The following RELN variants were observed in gnomAD, a reference collection of about 807,000 sequenced individuals.
RELN encodes the protein reelin.
RELN carries 108 observed loss-of-function variants against 427.6 expected under a neutral mutation model. The ratio of observed to expected loss-of-function variants is 0.25; its 90% CI spans 0.22 to 0.30. The LOEUF (loss-of-function observed/expected upper bound fraction) is 0.30. RELN is among the 10% of genes least tolerant of loss of function. The pLI is 1.00. For missense variants in RELN, 3,715 were observed against 4,302.8 expected (o/e 0.86, Z 3.82); for synonymous variants, 1,524 against 1,513.4 (o/e 1.01, Z -0.16).
chr7:103,660,683 T>C (rs975305111), intron 12 of RELN, among the ~76,000 whole-genome samples: 1 of 152,148 alleles, frequency 6.6e-6, no homozygotes, highest in African/African-American at 2.4e-5. Context: ...TGCCTGTGCT[T>C]TTCCAGTCAC....
intron 7 of RELN, among the ~76,000 whole-genome samples, chr7:103,726,065 A>C (rs1320513060): frequency 6.6e-6 from 1 of 152,208 alleles, no homozygotes; most frequent in African/African-American, 2.4e-5. Context: ...GATAACTTTC[A>C]TTAGTTCTCA....
chr7:103,964,121 T>C (rs2116799343), intron 1 of RELN, among the ~76,000 whole-genome samples: 1 of 152,228 alleles, frequency 6.6e-6, no homozygotes, highest in African/African-American at 2.4e-5. Context: ...ACTGCGACAT[T>C]GCACTCCAGC....
In RELN at chr7:103,596,489, G is replaced by A. The variant is rs1831539956; in HGVS notation, c.3506C>T (p.Ala1169Val). The A allele has an allele frequency of 6.2e-7, 1 of 1,613,874 alleles. No individual in the cohort carries two copies. Among genetic ancestry groups the A allele is most frequent in the African/African-American group, 1.3e-5 (1 of 74,918 alleles). The change falls in exon 25 of 65, where the codon GCA becomes GTA. Residue 1169 changes from alanine (A) to valine (V), a missense_variant. Ala to Val is a moderately conservative substitution (Grantham distance 64, BLOSUM62 0). Transcript: ENST00000428762. ...NNGGIQWHLL[A>V]EMYFSDFSKP... ...GCTGAAGTCTGAAAAGTACATCTCT[G>A]CTAGCAGGTGCCACTGGATGCCCCC...
Position 103,651,739 on chromosome 7 carries a change from T to C in RELN, c.1814A>G (p.His605Arg). 1 of 1,611,882 alleles carries C rather than the reference T, an allele frequency of 6.2e-7. No individual in the cohort carries two copies. Among genetic ancestry groups the C allele is most frequent in the South Asian group, 1.1e-5 (1 of 91,048 alleles). The change falls in exon 15 of 65, where the codon CAC becomes CGC. Residue 605 changes from histidine to arginine, a missense_variant. Transcript: ENST00000428762. ...ACAGATCTCAGGTAAGCATTCAGTG[T>C]GAAGGAGGGACCAGGAGCGCCCATG... ...TNHGRSWSLLHTECLPEICAG... is the reference protein window; with the variant it reads ...TNHGRSWSLLRTECLPEICAG...
chr7:103,921,819 C>T (rs1584369562), intron 1 of RELN, among the ~76,000 whole-genome samples: 1 of 148,036 alleles, frequency 6.8e-6, no homozygotes, highest in South Asian at 2.1e-4. Flanking sequence ...ACGTTCTATA[C>T]TTCTCTGCCT....
At chr7:103,809,230 A>T (rs963468240) in intron 3 of RELN, among the ~76,000 whole-genome samples, 3 of 152,168 alleles carry the variant, frequency 2.0e-5, no homozygotes, top group Non-Finnish European at 2.9e-5. Flanking sequence ...TAGAACTAAA[A>T]CATACTCAGA....
At chr7:103,911,442 G>A (rs1418446295) in intron 2 of RELN, among the ~76,000 whole-genome samples, 1 of 136,756 alleles carries the variant, frequency 7.3e-6, no homozygotes, top group African/African-American at 2.9e-5. Context: ...GGAAGTCAGT[G>A]TGGCGATTCC....
rs149427684 is a variant in RELN, at chr7:103,633,467, A to G, written c.2465+1958T>C. Among the ~76,000 whole-genome samples the G allele has an allele frequency of 7.2e-3, 1,093 of 151,216 alleles. 30 individuals carry two copies. The highest frequency in any genetic ancestry group is 0.065 in the East Asian group (331 of 5,120). On this transcript the variant is annotated intron_variant, in intron 19 of 64. Transcript: ENST00000428762. ...GGGCGGGAGGAAGAATCTCATGGAC[A>G]GAGATAAATATATATATATATATAG...
chr7:103,670,341 G>T (rs530628767), intron 11 of RELN, among the ~76,000 whole-genome samples: 1 of 152,134 alleles, frequency 6.6e-6, no homozygotes, highest in Non-Finnish European at 1.5e-5. Context: ...TTACCTTTCA[G>T]AAATATTTTA....
chr7:103,779,915 AC>A (rs977958900), intron 3 of RELN, among the ~76,000 whole-genome samples: 38 of 152,148 alleles, frequency 2.5e-4, no homozygotes, highest in Admixed American at 2.6e-4. Context: ...TTTAGTAGTA[AC>A]AGGGTTTCAC....
intron 11 of RELN, among the ~76,000 whole-genome samples, chr7:103,680,496 G>C (rs968222237): frequency 1.3e-5 from 2 of 151,998 alleles, no homozygotes; most frequent in Non-Finnish European, 2.9e-5. Context: ...TCAGGAAAGG[G>C]AGTCGAATTG....
intron 20 of RELN, among the ~76,000 whole-genome samples, chr7:103,613,277 A>G (rs1832003955): frequency 6.6e-6 from 1 of 152,204 alleles, no homozygotes; most frequent in Non-Finnish European, 1.5e-5. Flanking sequence ...AGATTGGGAG[A>G]GAAAAAACAC....
intron 2 of RELN, among the ~76,000 whole-genome samples, chr7:103,893,959 G>T (rs541764494): frequency 6.6e-6 from 1 of 152,228 alleles, no homozygotes; most frequent in East Asian, 1.9e-4. Context: ...GTTCCTTGAA[G>T]AGAAACTACT....
intron 19 of RELN, among the ~76,000 whole-genome samples, chr7:103,630,713 A>G (rs1182325295): frequency 1.3e-5 from 2 of 152,196 alleles, no homozygotes; most frequent in African/African-American, 4.8e-5. Context: ...AAATCACAGT[A>G]CCATGCTGAT....
chr7:103,744,924 T>C (rs1238856168), intron 6 of RELN, among the ~76,000 whole-genome samples: 21 of 152,286 alleles, frequency 1.4e-4, no homozygotes, highest in Non-Finnish European at 2.4e-4. Context: ...ATGAGGCCAC[T>C]ATCATCCTGA....
intron 11 of RELN, among the ~76,000 whole-genome samples, chr7:103,671,430 A>G (rs944257864): frequency 6.6e-6 from 1 of 152,118 alleles, no homozygotes; most frequent in Non-Finnish European, 1.5e-5. Flanking sequence ...ACGGTTAGAA[A>G]GCACCCAGCT....
intron 8 of RELN, among the ~76,000 whole-genome samples, chr7:103,715,629 C>T (rs1789918190): frequency 6.6e-6 from 1 of 152,202 alleles, no homozygotes; most frequent in Admixed American, 6.5e-5. Context: ...CTCCTCCCTG[C>T]TTGTGCCTTT....
At chr7:103,857,696 A>G (rs1335120371) in intron 2 of RELN, among the ~76,000 whole-genome samples, 1 of 150,260 alleles carries the variant, frequency 6.7e-6, no homozygotes, top group Non-Finnish European at 1.5e-5. Flanking sequence ...TGAGCAGATG[A>G]TTTACAGCTG....
intron 21 of RELN, 75 bp downstream of exon 21, chr7:103,611,536 A>AC: frequency 1.1e-6 from 1 of 945,680 alleles, no homozygotes; most frequent in Middle Eastern, 2.4e-4. Flanking sequence ...TAGAACTGTA[A>AC]TTTTTTTTTT....
Sources: gnomAD v4.1 joint callset for allele counts (sites outside exome capture counted in the v4.1 genomes callset) on GRCh38, gnomAD v4.1.1 for gene constraint, MANE v1.5 for transcripts, NCBI Gene and HGNC (gene_info 2026-07-23, HGNC 2026-07-21) for gene names.